The following ITGA10 variants were observed in gnomAD, a reference collection of about 807,000 sequenced individuals.
ITGA10 encodes the protein integrin alpha-10.
Under a neutral mutation model 145.2 loss-of-function variants are expected in ITGA10, and 105 were observed. The observed-to-expected ratio is 0.72, with a 90% CI of 0.62 to 0.85. ITGA10 has a LOEUF of 0.85. Ranked by LOEUF, ITGA10 falls within the 40% of genes least tolerant of loss-of-function variation. The probability of loss-of-function intolerance (pLI) is 0.00; values close to 1 mark genes in which losing one functional copy is unlikely to be tolerated. For missense variants in ITGA10, 1,317 were observed against 1,444.5 expected (o/e 0.91, Z 1.43); for synonymous variants, 506 against 557.8 (o/e 0.91, Z 1.31).
Position 145,897,066 on chromosome 1 carries a change from C to T in ITGA10, c.2689G>A (p.Glu897Lys). The T allele has an allele frequency of 1.2e-6, 2 of 1,614,028 alleles. No individual in the cohort carries two copies. Among genetic ancestry groups the T allele is most frequent in the East Asian group, 2.2e-5 (1 of 44,882 alleles). Residue 897 changes from glutamate (E) to lysine (K), a missense_variant, in exon 22 of 30, where the codon GAG becomes AAG. By Grantham distance (56) the Glu-to-Lys change is moderately conservative. Transcript: ENST00000369304. The stretch of plus-strand genomic sequence containing the variant: ...CTCAGGAGAGAGGAGCAGCTAAACT[C>T]AAACTCTAGCAGAAAGGTCACCTAG... ...GAKVTFLLEF[E>K]FSCSSLLSQV...
At chr1:145,904,517 T>C (rs1656840428) in intron 6 of ITGA10, among the ~76,000 whole-genome samples, 167 bp downstream of exon 6, 1 of 151,318 alleles carries the variant, frequency 6.6e-6, no homozygotes, top group Non-Finnish European at 1.5e-5. Context: ...TGTAGGCGCA[T>C]GCCACCATGC....
At chr1:145,904,557 T>C (rs868935406) in intron 6 of ITGA10, 127 bp downstream of exon 6, 18 of 996,656 alleles carry the variant, frequency 1.8e-5, no homozygotes, top group Middle Eastern at 6.0e-4. Context: ...TTCATATTTT[T>C]AGAGATGAGG....
At chr1:145,906,907 A>T in intron 3 of ITGA10, 83 bp from the exon 4 acceptor site, 1 of 1,206,122 alleles carries the variant, frequency 8.3e-7, no homozygotes, top group Non-Finnish European at 1.2e-6. Flanking sequence ...GAGGAGAATG[A>T]GCAGGGATTG....
At chr1:145,894,677 A>G (rs1655139077) in intron 27 of ITGA10, among the ~76,000 whole-genome samples, 1 of 152,160 alleles carries the variant, frequency 6.6e-6, no homozygotes, top group Non-Finnish European at 1.5e-5. Context: ...CTGTCATATT[A>G]AGTTCAGTTT....
At position 145,900,938 on chromosome 1, in the gene ITGA10, C is replaced by T. The variant is rs782131153; in HGVS notation, c.1643G>A (p.Arg548Gln). 38 of 1,614,020 alleles carry T rather than the reference C, an allele frequency of 2.4e-5. No individual in the cohort carries two copies. The highest frequency in any genetic ancestry group is 2.8e-5 in the Non-Finnish European group (33 of 1,180,036). ...AAGAGCTCCCATGGCAAAGCCAAAC[C>T]GAGCATCCTGGGGGGGTTCTGGCTG... ...TLQPEPPQDA[R>Q]FGFAMGALPD... Residue 548 changes from arginine to glutamine, a missense_variant, in exon 14 of 30, where the codon CGG (arginine) becomes CAG (glutamine). Transcript: ENST00000369304.
chr1:145,895,860 C>T, intron 25 of ITGA10, 123 bp downstream of exon 25: 1 of 1,024,960 alleles, frequency 9.8e-7, no homozygotes, highest in Non-Finnish European at 1.5e-6. Context: ...AAAAGAAAGC[C>T]CCCCAGAGAG....
intron 23 of ITGA10, 27 bp from the exon 24 acceptor site, chr1:145,896,379 C>T: frequency 6.4e-7 from 1 of 1,562,228 alleles, no homozygotes. Context: ...TCAGGAAGTA[C>T]ATGGTCACAG....
chr1:145,907,595 C>A, intron 1 of ITGA10, 130 bp from the exon 2 acceptor site: 1 of 1,486,028 alleles, frequency 6.7e-7, no homozygotes, highest in Non-Finnish European at 8.9e-7. Flanking sequence ...CTTTTCTGGC[C>A]TCTCTCAGTG....
In ITGA10 at chr1:145,896,799, ATGTAG is replaced by A; in HGVS notation, c.2799_2803del (p.Tyr934ProfsTer3). Reference sequence around the variant, plus strand: ...GAACAGGAGGTGGGGCTCATATTGGATGTAGGCTGAGGTCTGGGCTGTGTTATCTT... The same window carrying A: ...GAACAGGAGGTGGGGCTCATATTGGAGCTGAGGTCTGGGCTGTGTTATCTT... On this transcript the variant is annotated frameshift_variant, in exon 23 of 30. Coordinates refer to ENST00000369304, the MANE Select transcript of ITGA10 (RefSeq NM_003637.5). LOFTEE classifies it high-confidence loss of function. 1 of 1,613,940 alleles carries A rather than the reference ATGTAG, an allele frequency of 6.2e-7. No individual in the cohort carries two copies. The highest frequency in any genetic ancestry group is 8.5e-7 in the Non-Finnish European group (1 of 1,179,952).
At position 145,892,685 on chromosome 1, in the gene ITGA10, G is replaced by T; in HGVS notation, c.*113C>A. On this transcript the variant is annotated 3_prime_UTR_variant, in exon 30 of 30. Transcript: ENST00000369304. ...AAAGTCAAGTCAGGCTGCTGGTCTG[G>T]GGAGATAGTCCAGAGGCGGCTTCTT... is the stretch of plus-strand genomic sequence containing the variant. The T allele has an allele frequency of 1.3e-6, 1 of 765,392 alleles. No homozygotes were observed. Among genetic ancestry groups the T allele is most frequent in the East Asian group, 2.5e-5 (1 of 40,386 alleles). 47.4% of individuals were successfully genotyped at this position (765,392 alleles called of 1,614,324 possible).
chr1:145,907,359 C>G lies in ITGA10; in HGVS notation c.159G>C (p.Gln53His), dbSNP rs1553751675. The G allele has an allele frequency of 6.2e-7, 1 of 1,614,210 alleles. No homozygotes were observed. Among genetic ancestry groups the G allele is most frequent in the Non-Finnish European group, 8.5e-7 (1 of 1,180,038 alleles). Residue 53 changes from glutamine to histidine, a missense_variant, in exon 2 of 30, where the codon CAG becomes CAC. Coordinates refer to ENST00000369304, the MANE Select transcript of ITGA10 (RefSeq NM_003637.5). ...YSVLQHVGGG[Q>H]RWMLVGAPWD... ...CACTCCGGTTTCTTCCTCACCATCG[C>G]TGTCCACCCCCAACATGTTGTAAGA...
At chr1:145,904,007 C>G in intron 7 of ITGA10, 45 bp downstream of exon 7, 1 of 1,609,446 alleles carries the variant, frequency 6.2e-7, no homozygotes, top group South Asian at 1.1e-5. Context: ...CTCTTCTAAG[C>G]CTTCATTGCT....
At chr1:145,907,716 C>T (rs1553751866) in intron 1 of ITGA10, 2 of 362,834 alleles carry the variant, frequency 5.5e-6, no homozygotes, top group African/African-American at 4.5e-5. Flanking sequence ...CCATTCCCAC[C>T]CCTGAAATTT....
rs1236513195 is a variant in ITGA10, at chr1:145,907,148, A to G, written c.167T>C (p.Met56Thr). The change falls in exon 3 of 30, where the codon ATG becomes ACG. Residue 56 changes from methionine (M) to threonine (T), a missense_variant and splice_region_variant. By Grantham distance (81) the Met-to-Thr change is moderately conservative. Coordinates refer to ENST00000369304, the MANE Select transcript of ITGA10 (RefSeq NM_003637.5). ...LQHVGGGQRW[M>T]LVGAPWDGPS... is the part of the protein sequence containing the mutation. ...CCCATCCCAGGGGGCGCCCACCAGCATCCTGGGAAGAGGATGTGAATGTAA... is the reference window on the plus strand; with the variant it reads ...CCCATCCCAGGGGGCGCCCACCAGCGTCCTGGGAAGAGGATGTGAATGTAA... 7 of 1,559,702 alleles carry G rather than the reference A, an allele frequency of 4.5e-6. No individual in the cohort carries two copies. In the South Asian group the frequency reaches 7.1e-5, roughly 16 times the overall value.
Position 145,896,289 on chromosome 1 carries a change from T to A in ITGA10, c.2898A>T (p.Pro966=), listed in dbSNP as rs587598529. ...PYGTLPVGPG[P]EFKTTLRVQN... Reference sequence around the variant, plus strand: ...TCACCCTGAGAGTGGTTTTGAATTCTGGGCCAGGACCCACTGGGAGGGTCC... The same window carrying A: ...TCACCCTGAGAGTGGTTTTGAATTCAGGGCCAGGACCCACTGGGAGGGTCC... The change falls in exon 24 of 30, where the codon CCA becomes CCT. Residue 966 remains proline (P), a synonymous_variant. Coordinates refer to ENST00000369304, the MANE Select transcript of ITGA10 (RefSeq NM_003637.5). 6.2e-7 allele frequency: 1 copy of A among 1,614,002 alleles called. No homozygotes were observed. Among genetic ancestry groups the A allele is most frequent in the South Asian group, 1.1e-5 (1 of 91,082 alleles).
intron 7 of ITGA10, 63 bp from the exon 8 acceptor site, chr1:145,903,024 T>TACACACACACACACACACACACACAC (rs55794832): frequency 2.9e-5 from 11 of 379,318 alleles, no homozygotes; most frequent in Admixed American, 4.3e-5. Flanking sequence ...CACACACACA[T>TACACACACACACACACACACACACAC]ACACACACAC....
At chr1:145,909,207 G>A (rs1039439626) in intron 1 of ITGA10, among the ~76,000 whole-genome samples, 1 of 151,424 alleles carries the variant, frequency 6.6e-6, no homozygotes, top group East Asian at 1.9e-4. Context: ...GGCTAAGGTG[G>A]AAGGATCACC....
intron 22 of ITGA10, 74 bp downstream of exon 22, chr1:145,896,937 G>A (rs2274615): frequency 0.15 from 223,703 of 1,530,354 alleles, 17,012 homozygotes; most frequent in Middle Eastern, 0.18. Flanking sequence ...AGGAATCAAT[G>A]TTGTTCCTCC....
rs373356288 is a variant in ITGA10 at position 145,910,022 on chromosome 1, C to T, written c.-8G>A. The T allele has an allele frequency of 9.3e-6, 15 of 1,611,902 alleles. No individual in the cohort carries two copies. Among genetic ancestry groups the T allele is most frequent in the Middle Eastern group, 1.6e-4 (1 of 6,072 alleles). ...GACGAAGGGGAGTTCCATGCCTGAT[C>T]GGTTTCTGTCCAGTATGAGAAGTCC... On this transcript the variant is annotated 5_prime_UTR_variant, in exon 1 of 30. Transcript: ENST00000369304.
Sources: allele counts gnomAD v4.1 joint callset (sites outside exome capture counted in the v4.1 genomes callset), GRCh38; gene constraint gnomAD v4.1.1; transcripts MANE v1.5; gene names NCBI Gene and HGNC (gene_info 2026-07-23, HGNC 2026-07-21).